The following ZBTB43 variants were observed in gnomAD, a reference collection of about 807,000 sequenced individuals.
The protein encoded by ZBTB43 is zinc finger and BTB domain-containing protein 43.
In ZBTB43, 6 loss-of-function variants were observed where a neutral mutation model predicts 31.1. The ratio of observed to expected loss-of-function variants is 0.19; its 90% CI spans 0.11 to 0.38. ZBTB43 has a LOEUF of 0.38. Among genes scored for constraint, ZBTB43 ranks in the 10% least tolerant of loss-of-function variants. ZBTB43 has a pLI of 1.00. For synonymous variants in ZBTB43, 212 were observed against 221.7 expected (o/e 0.96, Z 0.39); for missense variants, 379 against 602.1 (o/e 0.63, Z 3.88).
chr9:126,817,100 C>CTTTTTTTTTTT lies in ZBTB43; in HGVS notation c.-24+8203_-24+8213dup, dbSNP rs780632905. 6.1e-4 allele frequency among the ~76,000 whole-genome samples: 34 copies of CTTTTTTTTTTT among 55,362 alleles called. 3 individuals are homozygous for CTTTTTTTTTTT. Among genetic ancestry groups the CTTTTTTTTTTT allele is most frequent in the African/African-American group, 2.1e-3 (30 of 14,124 alleles). 36.3% of individuals were successfully genotyped at this position (55,362 alleles called of 152,430 possible). On this transcript the variant is annotated intron_variant, in intron 2 of 2. Transcript: ENST00000373464. ...CAACTTGGCCCCATTTCCACTGTAT[C>CTTTTTTTTTTT]TTTTTTTTTTTTTTTTTTTTTTTTT...
At chr9:126,813,442 G>A (rs1290073495) in intron 2 of ZBTB43, among the ~76,000 whole-genome samples, 2 of 152,114 alleles carry the variant, frequency 1.3e-5, no homozygotes, top group African/African-American at 2.4e-5. Context: ...CAATGTAGAC[G>A]TCTCATTCGG....
intron 2 of ZBTB43, among the ~76,000 whole-genome samples, chr9:126,815,400 A>G (rs957662192): frequency 7.4e-5 from 11 of 149,336 alleles, no homozygotes; most frequent in Non-Finnish European, 1.5e-4. Flanking sequence ...ATAGCTTATC[A>G]CATAAAACTT....
chr9:126,828,191 A>AT (rs368211093), intron 2 of ZBTB43, among the ~76,000 whole-genome samples: 3,961 of 149,166 alleles, frequency 0.027, 79 homozygotes, highest in Non-Finnish European at 0.036. Flanking sequence ...TTATTTATTT[A>AT]TTTTTTTTTT....
chr9:126,834,080 A>G lies in ZBTB43; in HGVS notation c.*167A>G. 1.3e-6 allele frequency: 1 copy of G among 768,912 alleles called. No individual in the cohort carries two copies. Among genetic ancestry groups the G allele is most frequent in the Non-Finnish European group, 1.9e-6 (1 of 516,364 alleles). The allele number at this position is 768,912 out of a possible 1,614,324, so 47.6% of individuals were successfully genotyped here. A position where few individuals can be genotyped will look rare whatever the true frequency, so the allele number is the denominator to read the frequency against. On this transcript the variant is annotated 3_prime_UTR_variant, in exon 3 of 3. Coordinates refer to ENST00000373464, the MANE Select transcript of ZBTB43 (RefSeq NM_014007.4). ...CTAAGTAGGCCAATTAAAAAAATCT[A>G]ATTCCTCAAATTTGTGTGTTCCAGT...
intron 1 of ZBTB43, among the ~76,000 whole-genome samples, chr9:126,808,348 T>A (rs7023323): frequency 0.017 from 2,556 of 152,252 alleles, 82 homozygotes; most frequent in African/African-American, 0.059. Flanking sequence ...CTTGTTTTTT[T>A]AAAAAACATC....
intron 2 of ZBTB43, among the ~76,000 whole-genome samples, chr9:126,819,299 T>C (rs2032460214): frequency 6.6e-6 from 1 of 150,440 alleles, no homozygotes; most frequent in Admixed American, 6.6e-5. Flanking sequence ...TTTTTTTTTT[T>C]TTTTTACAAA....
At chr9:126,813,379 C>T (rs761446574) in intron 2 of ZBTB43, among the ~76,000 whole-genome samples, 9 of 152,232 alleles carry the variant, frequency 5.9e-5, no homozygotes, top group Non-Finnish European at 1.0e-4. Context: ...AGCAGATCAA[C>T]CTTCCTTAAC....
intron 2 of ZBTB43, among the ~76,000 whole-genome samples, chr9:126,823,094 G>A (rs1261742668): frequency 6.6e-6 from 1 of 152,126 alleles, no homozygotes; most frequent in African/African-American, 2.4e-5. Context: ...TCTGAGGTAT[G>A]CCTGTATATG....
At chr9:126,824,706 TTC>T (rs2032594629) in intron 2 of ZBTB43, among the ~76,000 whole-genome samples, 1 of 152,232 alleles carries the variant, frequency 6.6e-6, no homozygotes, top group Non-Finnish European at 1.5e-5. Context: ...GCTTTCAAGA[TTC>T]TCTTTGGCTT....
chr9:126,818,963 A>C (rs1247143126), intron 2 of ZBTB43, among the ~76,000 whole-genome samples: 2 of 152,182 alleles, frequency 1.3e-5, no homozygotes, highest in African/African-American at 4.8e-5. Flanking sequence ...TGTTTGTTAG[A>C]ATTTACCAGT....
chr9:126,831,666 C>G (rs925783211), intron 2 of ZBTB43: 2 of 151,924 alleles, frequency 1.3e-5, no homozygotes, highest in African/African-American at 4.8e-5. Flanking sequence ...AAAAAACTAG[C>G]TGGGCAGCTG....
chr9:126,830,709 G>A (rs1017443033), intron 2 of ZBTB43, among the ~76,000 whole-genome samples: 1 of 150,936 alleles, frequency 6.6e-6, no homozygotes, highest in African/African-American at 2.4e-5. Flanking sequence ...AGAGCAAGGT[G>A]ACATATGCAG....
At chr9:126,815,578 A>T (rs531495954) in intron 2 of ZBTB43, among the ~76,000 whole-genome samples, 26 of 149,644 alleles carry the variant, frequency 1.7e-4, no homozygotes, top group Non-Finnish European at 3.3e-4. Flanking sequence ...CTGCAGTGTC[A>T]ATTCTGTTGT....
intron 2 of ZBTB43, among the ~76,000 whole-genome samples, chr9:126,827,052 C>G (rs1300627225): frequency 6.6e-6 from 1 of 152,192 alleles, no homozygotes; most frequent in African/African-American, 2.4e-5. Flanking sequence ...TACGCCTCCT[C>G]TGGGATTGCT....
intron 2 of ZBTB43, among the ~76,000 whole-genome samples, chr9:126,823,425 G>A (rs1588361808): frequency 6.6e-6 from 1 of 151,950 alleles, no homozygotes; most frequent in Non-Finnish European, 1.5e-5. Flanking sequence ...AGCCATCTCA[G>A]GCCATTTTTT....
rs35094731 is a variant in ZBTB43, at chr9:126,826,454, C to CTTTTTTTTTTT, written c.-23-6016_-23-6006dup. Among the ~76,000 whole-genome samples, 5 of 53,596 alleles carry CTTTTTTTTTTT rather than the reference C, an allele frequency of 9.3e-5. 1 individual carries two copies. In the East Asian group the frequency reaches 4.0e-3, roughly 42 times the overall value. 35.2% of individuals were successfully genotyped at this position (53,596 alleles called of 152,430 possible). A position where few individuals can be genotyped will look rare whatever the true frequency, so the allele number is the denominator to read the frequency against. On this transcript the variant is annotated intron_variant, in intron 2 of 2. Transcript: ENST00000373464. ...GCGCCACCACTCCTGGCCCCCCCGCCTTTTTTTTTTTTTTTTTTTTTTTTT... is the reference window on the plus strand; with the variant it reads ...GCGCCACCACTCCTGGCCCCCCCGCCTTTTTTTTTTTTTTTTTTTTTTTTTTTTTTTTTTTT...
At chr9:126,818,628 GT>G (rs951814547) in intron 2 of ZBTB43, among the ~76,000 whole-genome samples, 5 of 152,042 alleles carry the variant, frequency 3.3e-5, no homozygotes, top group African/African-American at 1.2e-4. Context: ...TGTTTTATGT[GT>G]TTTTTTCCCC....
chr9:126,827,778 C>T lies in ZBTB43; in HGVS notation c.-23-4709C>T, dbSNP rs374363203. On this transcript the variant is annotated intron_variant, in intron 2 of 2. Coordinates refer to ENST00000373464, the MANE Select transcript of ZBTB43 (RefSeq NM_014007.4). ...ATCCCAGTACTTTGGGAGACTGAGGCGGGCGGATCACCTGAGGTCAGGAGT... is the reference window on the plus strand; with the variant it reads ...ATCCCAGTACTTTGGGAGACTGAGGTGGGCGGATCACCTGAGGTCAGGAGT... Among the ~76,000 whole-genome samples, 78 of 152,198 alleles carry T rather than the reference C, an allele frequency of 5.1e-4. 1 individual carries two copies. The highest frequency in any genetic ancestry group is 6.8e-3 in the Middle Eastern group (2 of 294).
intron 2 of ZBTB43, among the ~76,000 whole-genome samples, chr9:126,824,438 C>G (rs564490919): frequency 6.6e-6 from 1 of 152,290 alleles, no homozygotes; most frequent in East Asian, 1.9e-4. Flanking sequence ...ACCCCTTTAG[C>G]ATTTCTTGTA....
Sources: gnomAD v4.1 joint callset for allele counts (sites outside exome capture counted in the v4.1 genomes callset) on GRCh38, gnomAD v4.1.1 for gene constraint, MANE v1.5 for transcripts, NCBI Gene and HGNC (gene_info 2026-07-23, HGNC 2026-07-21) for gene names.